Variants in EXOC6 observed in about 807,000 individuals in gnomAD.
EXOC6 encodes exocyst complex component 6.
Under a neutral mutation model 112.5 loss-of-function variants are expected in EXOC6, and 60 were observed. The ratio of observed to expected loss-of-function variants is 0.53; its 90% confidence interval spans 0.43 to 0.66. The LOEUF (loss-of-function observed/expected upper bound fraction) is 0.66. EXOC6 is among the 30% of genes least tolerant of loss of function. The pLI, the probability that EXOC6 is intolerant of heterozygous loss-of-function variation, is 0.00. For missense variants in EXOC6, 855 were observed against 957.1 expected (o/e 0.89, Z 1.41); for synonymous variants, 295 against 308.0 (o/e 0.96, Z 0.44).
At chr10:92,906,385 T>C (rs1474986377) in intron 5 of EXOC6, among the ~76,000 whole-genome samples, 1 of 152,160 alleles carries the variant, frequency 6.6e-6, no homozygotes, top group Non-Finnish European at 1.5e-5. Context: ...TAACCAATTC[T>C]ATGGTAGGAC....
chr10:92,834,281 T>C (rs1846591024), upstream of EXOC6, among the ~76,000 whole-genome samples: 1 of 152,176 alleles, frequency 6.6e-6, no homozygotes, highest in South Asian at 2.1e-4. Context: ...CAAATACAAA[T>C]GCTTCTGGAA....
intron 14 of EXOC6, among the ~76,000 whole-genome samples, chr10:92,948,624 G>C (rs1661776566): frequency 2.1e-5 from 2 of 95,780 alleles, no homozygotes; most frequent in African/African-American, 7.3e-5. Context: ...CTACTACTGA[G>C]ATTTCGATGA....
At chr10:92,915,565 A>ATT (rs1172917198) in intron 6 of EXOC6, among the ~76,000 whole-genome samples, 193 bp from the exon 7 acceptor site, 10,665 of 109,026 alleles carry the variant, frequency 0.098, 588 homozygotes, top group Admixed American at 0.14. Context: ...TGAGACCCTG[A>ATT]TTTTTTTTTT....
intron 1 of EXOC6, among the ~76,000 whole-genome samples, chr10:92,875,348 C>T (rs1848638134): frequency 6.6e-6 from 1 of 152,152 alleles, no homozygotes; most frequent in African/African-American, 2.4e-5. Context: ...TCTTAGAATA[C>T]TGCATTCTAC....
In EXOC6 at chr10:92,979,252, G is replaced by A. The variant is rs189492904; in HGVS notation, c.1953+5020G>A. On this transcript the variant is annotated intron_variant, in intron 18 of 21. Transcript: ENST00000260762. ...CTTGGCTCACTGCAGCCTCTGCCTCGAGGTTCAAGCGATTCTCCTCCCTCA... is the reference window on the plus strand; with the variant it reads ...CTTGGCTCACTGCAGCCTCTGCCTCAAGGTTCAAGCGATTCTCCTCCCTCA... 3.7e-3 allele frequency among the ~76,000 whole-genome samples: 569 copies of A among 152,160 alleles called. 1 individual carries two copies. The highest frequency in any genetic ancestry group is 0.013 in the African/African-American group (545 of 41,538).
chr10:92,832,816 C>T (rs374383683), upstream of EXOC6, among the ~76,000 whole-genome samples: 1 of 151,972 alleles, frequency 6.6e-6, no homozygotes, highest in African/African-American at 2.4e-5. Flanking sequence ...GCATATGCCA[C>T]CAAGCCCAGC....
intron 19 of EXOC6, among the ~76,000 whole-genome samples, chr10:93,012,978 C>T (rs926499971): frequency 6.6e-6 from 1 of 151,484 alleles, no homozygotes; most frequent in Non-Finnish European, 1.5e-5. Flanking sequence ...TTCGAGGTTG[C>T]AGTGAGTTAT....
In EXOC6 at chr10:92,915,565, A is replaced by ATTTT. The variant is rs1172917198; in HGVS notation, c.664-174_664-171dup. Among the ~76,000 whole-genome samples, 313 of 109,190 alleles carry ATTTT rather than the reference A, an allele frequency of 2.9e-3. 2 individuals are homozygous for ATTTT. Among genetic ancestry groups the ATTTT allele is most frequent in the African/African-American group, 0.01 (285 of 27,954 alleles). 71.6% of individuals were successfully genotyped at this position (109,190 alleles called of 152,430 possible). A position where few individuals can be genotyped will look rare whatever the true frequency, so the allele number is the denominator to read the frequency against. On this transcript the variant is annotated intron_variant, in intron 6 of 21. Coordinates refer to ENST00000260762, the MANE Select transcript of EXOC6 (RefSeq NM_019053.6). ...GCCTGGATGACAGAGTGAGACCCTG[A>ATTTT]TTTTTTTTTTTTTTTTTTTTTTAAA...
intron 20 of EXOC6, among the ~76,000 whole-genome samples, chr10:93,016,406 G>T (rs539312142): frequency 6.6e-6 from 1 of 152,012 alleles, no homozygotes; most frequent in East Asian, 1.9e-4. Flanking sequence ...CTCCCAGAGT[G>T]CTGGGATTAC....
intron 1 of EXOC6, among the ~76,000 whole-genome samples, chr10:92,860,807 A>G (rs1375645693): frequency 2.0e-5 from 3 of 152,030 alleles, no homozygotes; most frequent in African/African-American, 4.8e-5. Flanking sequence ...TTTAGGCAGA[A>G]TGAAAGCCCA....
chr10:93,023,539 A>G (rs1844882051), intron 20 of EXOC6, among the ~76,000 whole-genome samples: 1 of 152,228 alleles, frequency 6.6e-6, no homozygotes, highest in Non-Finnish European at 1.5e-5. Flanking sequence ...TTATGTGAAT[A>G]TGCTGCCTCC....
chr10:92,838,933 C>T (rs376226080), intron 1 of EXOC6, among the ~76,000 whole-genome samples: 9 of 152,058 alleles, frequency 5.9e-5, no homozygotes, highest in African/African-American at 1.9e-4. Flanking sequence ...ATTAGCCAGT[C>T]GTAGTGGTGC....
At chr10:92,911,196 A>G (rs1371229339) in intron 6 of EXOC6, among the ~76,000 whole-genome samples, 6 of 152,132 alleles carry the variant, frequency 3.9e-5, no homozygotes, top group Admixed American at 2.6e-4. Flanking sequence ...CTCTTACATG[A>G]TTTCTAATGC....
intron 7 of EXOC6, among the ~76,000 whole-genome samples, chr10:92,918,416 CTTTT>C (rs34709274): frequency 7.1e-6 from 1 of 141,730 alleles, no homozygotes. Flanking sequence ...ATGTGCATTT[CTTTT>C]TTTTTTTTTT....
At chr10:93,011,704 T>C (rs112151004) in intron 19 of EXOC6, among the ~76,000 whole-genome samples, 2 of 152,208 alleles carry the variant, frequency 1.3e-5, no homozygotes, top group Non-Finnish European at 2.9e-5. Flanking sequence ...TCAGTTAAGA[T>C]GTAATGATAC....
At chr10:92,836,428 A>G (rs1294606130) in intron 1 of EXOC6, among the ~76,000 whole-genome samples, 1 of 152,128 alleles carries the variant, frequency 6.6e-6, no homozygotes, top group African/African-American at 2.4e-5. Flanking sequence ...CTCTCTCAGC[A>G]TCACCCTCAA....
intron 20 of EXOC6, among the ~76,000 whole-genome samples, chr10:93,051,219 A>G (rs1010261648): frequency 5.9e-5 from 9 of 152,158 alleles, no homozygotes; most frequent in Admixed American, 2.6e-4. Context: ...GCATAAAAAA[A>G]TACTTTAAGA....
At position 92,915,796 on chromosome 10, in the gene EXOC6, A is replaced by T; in HGVS notation, c.702A>T (p.Lys234Asn). 1 of 1,537,720 alleles carries T rather than the reference A, an allele frequency of 6.5e-7. No homozygotes were observed. Among genetic ancestry groups the T allele is most frequent in the East Asian group, 2.5e-5 (1 of 39,714 alleles). Residue 234 changes from lysine to asparagine, a missense_variant, in exon 7 of 22, where the codon AAA becomes AAT. Transcript: ENST00000260762. Reference protein sequence around the residue: ...HQKTFSVSLQKQNKMKFGKNM... With the variant: ...HQKTFSVSLQNQNKMKFGKNM... ...AAACCTTCAGTGTTTCTCTGCAGAA[A>T]CAAAATAAAATGAAATTTGGGAAAA...
chr10:92,904,614 C>T (rs60862172), intron 5 of EXOC6, among the ~76,000 whole-genome samples: 3,340 of 152,130 alleles, frequency 0.022, 55 homozygotes, highest in African/African-American at 0.041. Flanking sequence ...CTTTTGATCA[C>T]TTTTTAATTT....
Sources: allele counts gnomAD v4.1 joint callset (sites outside exome capture counted in the v4.1 genomes callset), GRCh38; gene constraint gnomAD v4.1.1; transcripts MANE v1.5; gene names NCBI Gene and HGNC (gene_info 2026-07-23, HGNC 2026-07-21).